Variants in CELF1 observed in about 807,000 individuals in gnomAD.
CELF1 encodes CUGBP Elav-like family member 1.
Under a neutral mutation model 61.8 loss-of-function variants are expected in CELF1, and 10 were observed. That is an observed-to-expected ratio of 0.16 (90% CI 0.10 to 0.27). The LOEUF (loss-of-function observed/expected upper bound fraction) is 0.27. CELF1 is among the 10% of genes least tolerant of loss of function. The probability of loss-of-function intolerance (pLI) is 1.00; values close to 1 mark genes in which losing one functional copy is unlikely to be tolerated. For synonymous variants in CELF1, 236 were observed against 225.1 expected (o/e 1.05, Z -0.43); for missense variants, 380 against 639.1 (o/e 0.59, Z 4.37).
intron 1 of CELF1, among the ~76,000 whole-genome samples, chr11:47,533,054 G>A (rs2096528453): frequency 6.6e-6 from 1 of 152,000 alleles, no homozygotes; most frequent in Admixed American, 6.6e-5. Flanking sequence ...AGGATTCCTG[G>A]GGGTGGATCC....
intron 1 of CELF1, among the ~76,000 whole-genome samples, chr11:47,516,468 A>C (rs1236185554): frequency 6.6e-6 from 1 of 152,166 alleles, no homozygotes; most frequent in African/African-American, 2.4e-5. Flanking sequence ...GCTGATAATT[A>C]AGCTCATCTC....
chr11:47,514,827 C>T (rs1201359903), intron 1 of CELF1: 2 of 152,224 alleles, frequency 1.3e-5, no homozygotes, highest in African/African-American at 4.8e-5. Flanking sequence ...CACTGCACTC[C>T]AGTCTGGCTG....
chr11:47,494,886 A>G (rs966161308), intron 3 of CELF1, among the ~76,000 whole-genome samples: 9 of 152,194 alleles, frequency 5.9e-5, no homozygotes, highest in African/African-American at 1.9e-4. Flanking sequence ...GCTAGTGGCT[A>G]CTGTATGAGA....
chr11:47,498,603 T>C (rs2093494663), intron 3 of CELF1, among the ~76,000 whole-genome samples: 2 of 152,210 alleles, frequency 1.3e-5, no homozygotes, highest in Non-Finnish European at 2.9e-5. Flanking sequence ...TTCTTGGCTT[T>C]GAATAACCTA....
intron 2 of CELF1, among the ~76,000 whole-genome samples, chr11:47,562,614 C>T (rs1053985701): frequency 1.3e-5 from 2 of 150,338 alleles, no homozygotes; most frequent in Non-Finnish European, 2.9e-5. Flanking sequence ...AGGCTGGATG[C>T]AGTGGTTCAG....
rs577479545 is a variant in CELF1, at chr11:47,471,500, T to G, written c.*730A>C. 1 of 152,200 alleles carries G rather than the reference T, an allele frequency of 6.6e-6. No homozygotes were observed. Among genetic ancestry groups the G allele is most frequent in the African/African-American group, 2.4e-5 (1 of 41,444 alleles). The allele number at this position is 152,200 out of a possible 1,614,324, so 9.4% of individuals were successfully genotyped here. ...ACTGACTGCTGGCTGGGGGAGCTCG[T>G]AATGGGTGATGCCGCCCTGCTTTTT... On this transcript the variant is annotated 3_prime_UTR_variant, in exon 15 of 15. Transcript: ENST00000687097.
intron 9 of CELF1, among the ~76,000 whole-genome samples, chr11:47,480,243 C>G (rs1042692258): frequency 1.3e-5 from 2 of 152,150 alleles, no homozygotes; most frequent in Non-Finnish European, 2.9e-5. Context: ...TGTACCATCA[C>G]ACCCAGCTAA....
intron 4 of CELF1, among the ~76,000 whole-genome samples, chr11:47,488,340 A>G (rs1331618604): frequency 6.6e-6 from 1 of 152,218 alleles, no homozygotes; most frequent in African/African-American, 2.4e-5. Context: ...TGCCTAAACA[A>G]ATCCTTTCTA....
intron 1 of CELF1, among the ~76,000 whole-genome samples, chr11:47,540,844 C>T (rs1057165068): frequency 1.3e-5 from 2 of 152,112 alleles, no homozygotes; most frequent in African/African-American, 4.8e-5. Context: ...GAGATCGCGC[C>T]ACTGGACTCC....
chr11:47,526,914 G>T (rs2096264285), intron 1 of CELF1, among the ~76,000 whole-genome samples: 1 of 152,076 alleles, frequency 6.6e-6, no homozygotes, highest in Admixed American at 6.6e-5. Context: ...AGCTGGGCGT[G>T]GGGGCGCGTG....
In CELF1 at chr11:47,504,505, G is replaced by A. The variant is rs2094292350; in HGVS notation, c.-153-3573C>T. Among the ~76,000 whole-genome samples, 5 of 152,168 alleles carry A rather than the reference G, an allele frequency of 3.3e-5. 1 individual carries two copies. The highest frequency in any genetic ancestry group is 3.3e-4 in the Admixed American group (5 of 15,276). On this transcript the variant is annotated intron_variant, in intron 1 of 14. Coordinates refer to ENST00000687097, the MANE Select transcript of CELF1 (RefSeq NM_001376376.1). The stretch of plus-strand genomic sequence containing the variant: ...AAGTGGGAGGATCACCTGACCCCAG[G>A]AAGGTCAACGCTGCAGTGATACTTG...
In CELF1 at chr11:47,497,568, C is replaced by G. The variant is rs553375500; in HGVS notation, c.71+1885G>C. Among the ~76,000 whole-genome samples, 5 of 152,324 alleles carry G rather than the reference C, an allele frequency of 3.3e-5. No individual in the cohort carries two copies. In the East Asian group the frequency reaches 9.6e-4, roughly 29 times the overall value. ...GGGGCAATGGCCTACGCCCAGGCAC[C>G]CTTGCAAAGTTTTGGTGAAGATGGG... On this transcript the variant is annotated intron_variant, in intron 3 of 14. Coordinates refer to ENST00000687097, the MANE Select transcript of CELF1 (RefSeq NM_001376376.1).
intron 1 of CELF1, among the ~76,000 whole-genome samples, chr11:47,534,163 A>G (rs2096570809): frequency 6.7e-6 from 1 of 149,794 alleles, no homozygotes. Flanking sequence ...GAAGTAGCTG[A>G]GATTACAGGC....
chr11:47,538,921 G>A (rs1274674245), intron 1 of CELF1, among the ~76,000 whole-genome samples: 2 of 152,302 alleles, frequency 1.3e-5, no homozygotes, highest in East Asian at 3.9e-4. Flanking sequence ...TGGGACCAGA[G>A]AGACTCCATC....
Position 47,466,229 on chromosome 11 carries a change from C to T in CELF1, c.*6001G>A, listed in dbSNP as rs933570447. ...TTTTTTTAAACCATTAAAGTAAAAT[C>T]CATAATTTTCTACAGAGTACAACAC... On this transcript the variant is annotated 3_prime_UTR_variant, in exon 15 of 15. Transcript: ENST00000687097. 1.3e-5 allele frequency: 2 copies of T among 152,022 alleles called. No homozygotes were observed. Among genetic ancestry groups the T allele is most frequent in the African/African-American group, 4.8e-5 (2 of 41,370 alleles). The allele number at this position is 152,022 out of a possible 1,614,324, so 9.4% of individuals were successfully genotyped here. A position where few individuals can be genotyped will look rare whatever the true frequency, so the allele number is the denominator to read the frequency against.
intron 1 of CELF1, among the ~76,000 whole-genome samples, chr11:47,502,466 T>C (rs1316428462): frequency 6.6e-6 from 1 of 152,124 alleles, no homozygotes; most frequent in Non-Finnish European, 1.5e-5. Flanking sequence ...AATTTAAAAG[T>C]AGAATTAAAA....
At chr11:47,494,111 G>A (rs2092555946) in intron 3 of CELF1, among the ~76,000 whole-genome samples, 2 of 152,214 alleles carry the variant, frequency 1.3e-5, no homozygotes, top group South Asian at 4.1e-4. Context: ...TAGTGTCCCT[G>A]TCATTCCTAA....
intron 1 of CELF1, among the ~76,000 whole-genome samples, chr11:47,510,114 A>G (rs968466998): frequency 1.4e-4 from 22 of 152,112 alleles, no homozygotes; most frequent in African/African-American, 4.8e-4. Flanking sequence ...AGCAAGATGA[A>G]GGGCAAGCTA....
intron 3 of CELF1, among the ~76,000 whole-genome samples, chr11:47,489,776 C>T (rs1299965923): frequency 3.9e-5 from 6 of 152,172 alleles, no homozygotes; most frequent in Middle Eastern, 3.4e-3. Flanking sequence ...TTCTCTAGTC[C>T]TATCACATTG....
Sources: gnomAD v4.1 joint callset for allele counts (sites outside exome capture counted in the v4.1 genomes callset) on GRCh38, gnomAD v4.1.1 for gene constraint, MANE v1.5 for transcripts, NCBI Gene and HGNC (gene_info 2026-07-23, HGNC 2026-07-21) for gene names.